MUC5AC: variants seen among roughly 807,000 people sequenced by gnomAD.
MUC5AC encodes the protein mucin-5AC.
Under a neutral mutation model 169.7 loss-of-function variants are expected in MUC5AC, and 158 were observed. The observed-to-expected ratio is 0.93, with a 90% CI of 0.82 to 1.06. MUC5AC has a LOEUF of 1.06. Among genes scored for constraint, MUC5AC ranks in the 50% least tolerant of loss-of-function variants. The pLI is 0.00. For synonymous variants in MUC5AC, 1,975 were observed against 1,237.0 expected, an observed-to-expected ratio of 1.60 and a Z score of -12.52; for missense variants, 4,359 against 3,089.9, an observed-to-expected ratio of 1.41 and a Z score of -9.74.
chr11:1,200,689 C>T lies in MUC5AC; in HGVS notation c.16952C>T (p.Ser5651Phe). The T allele has an allele frequency of 1.3e-6, 1 of 749,932 alleles. No individual in the cohort carries two copies. Among genetic ancestry groups the T allele is most frequent in the Non-Finnish European group, 2.5e-6 (1 of 406,976 alleles). 46.5% of individuals were successfully genotyped at this position (749,932 alleles called of 1,614,324 possible). A position where few individuals can be genotyped will look rare whatever the true frequency, so the allele number is the denominator to read the frequency against. Residue 5651 changes from serine to phenylalanine, a missense_variant, in exon 49 of 49, where the codon TCC (serine) becomes TTC (phenylalanine). By Grantham distance (155) the Ser-to-Phe change is radical. Transcript: ENST00000621226. ...SGSWERGVPV[S>F]PMH ...AGCTGGGAGAGAGGCGTCCCAGTGT[C>T]CCCCATGCACTGACCAGCACTGCCG...
chr11:1,177,325 C>T lies in MUC5AC; in HGVS notation c.2888C>T (p.Ala963Val). The T allele has an allele frequency of 2.2e-6, 1 of 456,832 alleles. No individual in the cohort carries two copies. Among genetic ancestry groups the T allele is most frequent in the African/African-American group, 2.0e-5 (1 of 50,430 alleles). 28.3% of individuals were successfully genotyped at this position (456,832 alleles called of 1,614,324 possible). A position where few individuals can be genotyped will look rare whatever the true frequency, so the allele number is the denominator to read the frequency against. ...ACCACAGGGACCACCTGCTCCAAGGCCATCAAGATTTTCCTGGGGGTGAGC... is the reference window on the plus strand; with the variant it reads ...ACCACAGGGACCACCTGCTCCAAGGTCATCAAGATTTTCCTGGGGGTGAGC... ...CGTTGTTCSK[A>V]IKIFLGGFEL... The change falls in exon 23 of 49, where the codon GCC becomes GTC. Residue 963 changes from alanine (A) to valine (V), a missense_variant. Transcript: ENST00000621226.
At position 1,187,188 on chromosome 11, in the gene MUC5AC, G is replaced by A; in HGVS notation, c.9043G>A (p.Ala3015Thr). Residue 3015 changes from alanine to threonine, a missense_variant, in exon 31 of 49, where the codon GCC becomes ACC. Physicochemically the swap from Ala to Thr is moderately conservative, Grantham distance 58. Coordinates refer to ENST00000621226, the MANE Select transcript of MUC5AC (RefSeq NM_001304359.2). ...GGCCCCAACAACCAGCACACCCTCTGCCCCTACAACCAGCACAACCTTAGC... is the reference window on the plus strand; with the variant it reads ...GGCCCCAACAACCAGCACACCCTCTACCCCTACAACCAGCACAACCTTAGC... ...ISAPTTSTPS[A>T]PTTSTTLAPT... 1 of 702,400 alleles carries A rather than the reference G, an allele frequency of 1.4e-6. No homozygotes were observed. Among genetic ancestry groups the A allele is most frequent in the African/African-American group, 1.8e-5 (1 of 55,614 alleles). The allele number at this position is 702,400 out of a possible 1,614,324, so 43.5% of individuals were successfully genotyped here. A position where few individuals can be genotyped will look rare whatever the true frequency, so the allele number is the denominator to read the frequency against.
In MUC5AC at chr11:1,190,501, C is replaced by T; in HGVS notation, c.12356C>T (p.Pro4119Leu). 4.0e-6 allele frequency: 2 copies of T among 500,438 alleles called. No individual in the cohort carries two copies. Among genetic ancestry groups the T allele is most frequent in the South Asian group, 3.4e-5 (2 of 58,552 alleles). The allele number at this position is 500,438 out of a possible 1,614,324, so 31.0% of individuals were successfully genotyped here. Reference protein sequence around the residue: ...PTTSTIPASTPSTTSAPTTST... With the variant: ...PTTSTIPASTLSTTSAPTTST... The stretch of plus-strand genomic sequence containing the variant: ...ACCAGCACAATCCCTGCTTCTACAC[C>T]CAGCACAACCTCTGCCCCTACAACC... The change falls in exon 31 of 49, where the codon CCC becomes CTC. Residue 4119 changes from proline (P) to leucine (L), a missense_variant. Physicochemically the swap from Pro to Leu is moderately conservative, Grantham distance 98 (BLOSUM62 -3). Coordinates refer to ENST00000621226, the MANE Select transcript of MUC5AC (RefSeq NM_001304359.2).
rs1274424067 is a variant in MUC5AC, at chr11:1,167,999, C to G, written c.1497+12C>G. On this transcript the variant is annotated intron_variant, in intron 12 of 48. Transcript: ENST00000621226. ...ATGGGGCGCAGACGGTGAGTGGAGCCTGGCAGGGCAAACCCCGGGAAGAGG... is the reference window on the plus strand; with the variant it reads ...ATGGGGCGCAGACGGTGAGTGGAGCGTGGCAGGGCAAACCCCGGGAAGAGG... The G allele has an allele frequency of 3.2e-6, 5 of 1,547,894 alleles. No homozygotes were observed. In the East Asian group the frequency reaches 1.2e-4, roughly 38 times the overall value.
Position 1,157,990 on chromosome 11 carries a change from C to G in MUC5AC, c.-10C>G. ...TGAGGGACAGGGCACTCTTCCCCGCCGTCCACACAATGAGTGTTGGCCGGA... is the reference window on the plus strand; with the variant it reads ...TGAGGGACAGGGCACTCTTCCCCGCGGTCCACACAATGAGTGTTGGCCGGA... On this transcript the variant is annotated 5_prime_UTR_variant, in exon 1 of 49. Coordinates refer to ENST00000621226, the MANE Select transcript of MUC5AC (RefSeq NM_001304359.2). 1 of 1,585,282 alleles carries G rather than the reference C, an allele frequency of 6.3e-7. No individual in the cohort carries two copies. The highest frequency in any genetic ancestry group is 1.2e-5 in the South Asian group (1 of 86,474).
At chr11:1,193,742 G>A in intron 33 of MUC5AC, 83 bp downstream of exon 33, 1 of 715,948 alleles carries the variant, frequency 1.4e-6, no homozygotes, top group Admixed American at 1.9e-5. Context: ...CAGAGGAGGG[G>A]GCTTGGCTGA....
chr11:1,167,144 C>T lies in MUC5AC; in HGVS notation c.1387-733C>T, dbSNP rs547731431. Reference sequence around the variant, plus strand: ...ACGATGAGACCCTGCACCCAACACACAGTCTCCCTATGGTGAGACCCTGCA... The same window carrying T: ...ACGATGAGACCCTGCACCCAACACATAGTCTCCCTATGGTGAGACCCTGCA... On this transcript the variant is annotated intron_variant, in intron 11 of 48. Transcript: ENST00000621226. 7.2e-5 allele frequency among the ~76,000 whole-genome samples: 10 copies of T among 138,026 alleles called. No homozygotes were observed. The East Asian group carries it at 2.1e-3, about 30-fold the overall frequency. 90.6% of individuals were successfully genotyped at this position (138,026 alleles called of 152,430 possible).
chr11:1,165,876 T>G, intron 11 of MUC5AC, 116 bp downstream of exon 11: 1 of 1,443,288 alleles, frequency 6.9e-7, no homozygotes, highest in Non-Finnish European at 9.4e-7. Context: ...CCCTTGGGGG[T>G]CCCCGATGTT....
rs1861410064 is a variant in MUC5AC, at chr11:1,200,786, C to G, written c.*84C>G. ...GCTTCCAAGGCCAGTGGAACTTGTG[C>G]CCCTGTCCAGGCGGCTGCAGCTTTG... On this transcript the variant is annotated 3_prime_UTR_variant, in exon 49 of 49. Coordinates refer to ENST00000621226, the MANE Select transcript of MUC5AC (RefSeq NM_001304359.2). 1 of 664,472 alleles carries G rather than the reference C, an allele frequency of 1.5e-6. No individual in the cohort carries two copies. The highest frequency in any genetic ancestry group is 2.7e-6 in the Non-Finnish European group (1 of 367,114). 41.2% of individuals were successfully genotyped at this position (664,472 alleles called of 1,614,324 possible). A position where few individuals can be genotyped will look rare whatever the true frequency, so the allele number is the denominator to read the frequency against.
rs1306636535 is a variant in MUC5AC, at chr11:1,186,752, C to T, written c.8607C>T (p.Thr2869=). ...CCTCTGTCCCTACAAGCAGCACAAC[C>T]TCCACTGCTACAACCAGCACAACCT... ...RTTSVPTSST[T]STATTSTTSG... Residue 2869 remains threonine, a synonymous_variant, in exon 31 of 49, where the codon ACC becomes ACT. Transcript: ENST00000621226. 1.4e-6 allele frequency: 1 copy of T among 735,640 alleles called. No individual in the cohort carries two copies. Among genetic ancestry groups the T allele is most frequent in the Non-Finnish European group, 2.5e-6 (1 of 403,190 alleles). 45.6% of individuals were successfully genotyped at this position (735,640 alleles called of 1,614,324 possible).
chr11:1,160,561 GC>G, intron 1 of MUC5AC, 50 bp from the exon 2 acceptor site: 1 of 1,518,056 alleles, frequency 6.6e-7, no homozygotes. Context: ...CGCAGCCTGA[GC>G]CCCCTCAGCC....
rs1329797985 is a variant in MUC5AC, at chr11:1,185,480, T to A, written c.7335T>A (p.Thr2445=). The change falls in exon 31 of 49, where the codon ACT becomes ACA. Residue 2445 remains threonine, a synonymous_variant. Coordinates refer to ENST00000621226, the MANE Select transcript of MUC5AC (RefSeq NM_001304359.2). ...STTSAPTTST[T]SGPGTTPSPV... Reference sequence around the variant, plus strand: ...CCTCGGCTCCTACAACCAGCACAACTTCTGGTCCTGGAACTACCCCAAGCC... The same window carrying A: ...CCTCGGCTCCTACAACCAGCACAACATCTGGTCCTGGAACTACCCCAAGCC... 3.3e-6 allele frequency: 2 copies of A among 603,546 alleles called. No homozygotes were observed. Among genetic ancestry groups the A allele is most frequent in the South Asian group, 3.2e-5 (2 of 61,682 alleles). The allele number at this position is 603,546 out of a possible 1,614,324, so 37.4% of individuals were successfully genotyped here.
chr11:1,179,479 G>A (rs1860761615), intron 26 of MUC5AC, among the ~76,000 whole-genome samples: 2 of 151,012 alleles, frequency 1.3e-5, no homozygotes, highest in Non-Finnish European at 3.0e-5. Context: ...GGAGGGCGTG[G>A]CTGACAGAGG....
chr11:1,199,252 C>T (rs1164484834), intron 45 of MUC5AC, 67 bp downstream of exon 45: 7 of 710,306 alleles, frequency 9.9e-6, no homozygotes, highest in Admixed American at 5.8e-5. Flanking sequence ...GGGGACCTGT[C>T]GTTGCCAGGC....
intron 35 of MUC5AC, 21 bp downstream of exon 35, chr11:1,194,691 G>A (rs765557004): frequency 1.5e-5 from 11 of 728,914 alleles, no homozygotes; most frequent in Admixed American, 1.5e-4. Flanking sequence ...AGGGCTCCCG[G>A]GCATCGTCTG....
intron 43 of MUC5AC, among the ~76,000 whole-genome samples, chr11:1,198,618 G>A (rs968618789): frequency 6.6e-6 from 1 of 152,172 alleles, no homozygotes; most frequent in Admixed American, 6.5e-5. Flanking sequence ...TGGCCCTGCA[G>A]AGTGTGTGGC....
At chr11:1,198,575 T>C (rs543769009) in intron 43 of MUC5AC, among the ~76,000 whole-genome samples, 3 of 152,132 alleles carry the variant, frequency 2.0e-5, no homozygotes, top group South Asian at 2.1e-4. Context: ...CAGGCCTGGA[T>C]CCCACGGCTC....
At position 1,195,011 on chromosome 11, in the gene MUC5AC, G is replaced by A. The variant is rs1308171218; in HGVS notation, c.15191-1G>A. 1 of 734,872 alleles carries A rather than the reference G, an allele frequency of 1.4e-6. No individual in the cohort carries two copies. The highest frequency in any genetic ancestry group is 2.5e-6 in the Non-Finnish European group (1 of 401,946). 45.5% of individuals were successfully genotyped at this position (734,872 alleles called of 1,614,324 possible). On this transcript the variant is annotated splice_acceptor_variant, in intron 35 of 48. Coordinates refer to ENST00000621226, the MANE Select transcript of MUC5AC (RefSeq NM_001304359.2). LOFTEE classifies it high-confidence loss of function. ...GCCTGACCCCCACCGCGTCTGCCCAGGCACTTGCACCAACGACAGGAAGGA... is the reference window on the plus strand; with the variant it reads ...GCCTGACCCCCACCGCGTCTGCCCAAGCACTTGCACCAACGACAGGAAGGA...
Position 1,191,422 on chromosome 11 carries a change from C to G in MUC5AC, c.13277C>G (p.Thr4426Ser). Residue 4426 changes from threonine (T) to serine (S), a missense_variant, in exon 31 of 49, where the codon ACC (threonine) becomes AGC (serine). Coordinates refer to ENST00000621226, the MANE Select transcript of MUC5AC (RefSeq NM_001304359.2). Reference sequence around the variant, plus strand: ...ACCTCTGCTCCTACAACCAGAACAACCCCTGCCTCTACAGCCAGCACAACC... The same window carrying G: ...ACCTCTGCTCCTACAACCAGAACAAGCCCTGCCTCTACAGCCAGCACAACC... ...STTSAPTTRT[T>S]PASTASTTSG... is the part of the protein sequence containing the mutation. 1 of 739,100 alleles carries G rather than the reference C, an allele frequency of 1.4e-6. No homozygotes were observed. Among genetic ancestry groups the G allele is most frequent in the Non-Finnish European group, 2.5e-6 (1 of 403,370 alleles). 45.8% of individuals were successfully genotyped at this position (739,100 alleles called of 1,614,324 possible). A position where few individuals can be genotyped will look rare whatever the true frequency, so the allele number is the denominator to read the frequency against.
Sources: allele counts gnomAD v4.1 joint callset (sites outside exome capture counted in the v4.1 genomes callset), GRCh38; gene constraint gnomAD v4.1.1; transcripts MANE v1.5; gene names NCBI Gene and HGNC (gene_info 2026-07-23, HGNC 2026-07-21).